SAMD12: variants seen among roughly 807,000 people sequenced by gnomAD.
SAMD12 encodes sterile alpha motif domain-containing protein 12.
A neutral mutation model predicts 15.0 loss-of-function variants in SAMD12; 9 were observed. The observed-to-expected ratio is 0.60, with a 90% CI of 0.36 to 1.05. The LOEUF is 1.05. Ranked by LOEUF, SAMD12 falls within the 50% of genes least tolerant of loss-of-function variation. The probability of loss-of-function intolerance (pLI) is 0.01; values close to 1 mark genes in which losing one functional copy is unlikely to be tolerated. For missense variants in SAMD12, 230 were observed against 234.2 expected, an observed-to-expected ratio of 0.98 and a Z score of 0.12; for synonymous variants, 86 against 90.1, an observed-to-expected ratio of 0.96 and a Z score of 0.25.
chr8:118,155,048 G>A, the SAMD12 span, among the ~76,000 whole-genome samples: 2 of 152,152 alleles, frequency 1.3e-5, no homozygotes, highest in African/African-American at 2.4e-5. Context: ...TTAAATTTTA[G>A]TTACATCTGC....
intron 4 of SAMD12, chr8:118,197,825 A>T: frequency 9.1e-7 from 1 of 1,097,758 alleles, no homozygotes; most frequent in Non-Finnish European, 1.4e-6. Context: ...AACAAACCCT[A>T]ACACCCTTAG....
chr8:118,547,014 G>C (rs1826148778), intron 2 of SAMD12, among the ~76,000 whole-genome samples: 1 of 152,180 alleles, frequency 6.6e-6, no homozygotes, highest in Non-Finnish European at 1.5e-5. Flanking sequence ...GAAAAAGAAT[G>C]TTTACAGAAT....
the SAMD12 span, among the ~76,000 whole-genome samples, chr8:118,167,804 A>G: frequency 6.6e-6 from 1 of 152,276 alleles, no homozygotes; most frequent in African/African-American, 2.4e-5. Flanking sequence ...ACAGTTCTCT[A>G]TGGTGAGCAT....
chr8:118,419,213 A>G (rs75846857), intron 3 of SAMD12, among the ~76,000 whole-genome samples: 1 of 152,044 alleles, frequency 6.6e-6, no homozygotes, highest in South Asian at 2.1e-4. Flanking sequence ...GAAAAAAAAA[A>G]GCCTTAGGTG....
At chr8:118,160,427 C>G in the SAMD12 span, among the ~76,000 whole-genome samples, 1 of 152,126 alleles carries the variant, frequency 6.6e-6, no homozygotes. Flanking sequence ...TTTATACTAT[C>G]TGATTTTAAG....
chr8:118,180,516 TGTGA>T, the SAMD12 span, among the ~76,000 whole-genome samples: 2 of 151,756 alleles, frequency 1.3e-5, no homozygotes, highest in Non-Finnish European at 2.9e-5. Context: ...GGGCTATGGC[TGTGA>T]GTGTTTCATG....
rs138818129 is a variant in SAMD12 at position 118,574,314 on chromosome 8, G to A, written c.192+6401C>T. Among the ~76,000 whole-genome samples the A allele has an allele frequency of 3.6e-3, 551 of 152,254 alleles. 1 individual carries two copies. Among genetic ancestry groups the A allele is most frequent in the South Asian group, 0.025 (121 of 4,830 alleles). Reference sequence around the variant, plus strand: ...TCAAATGGCATATCCTGTACTCTTCGTCCACTAGACAAATACTATTAACTA... The same window carrying A: ...TCAAATGGCATATCCTGTACTCTTCATCCACTAGACAAATACTATTAACTA... On this transcript the variant is annotated intron_variant, in intron 2 of 3. Transcript: ENST00000314727.
the SAMD12 span, among the ~76,000 whole-genome samples, chr8:118,150,091 G>A: frequency 6.6e-6 from 1 of 152,142 alleles, no homozygotes; most frequent in Non-Finnish European, 1.5e-5. Flanking sequence ...GTGCTACTGC[G>A]ATATGGTGAG....
intron 2 of SAMD12, among the ~76,000 whole-genome samples, chr8:118,548,854 A>T (rs1330134927): frequency 6.6e-6 from 1 of 152,268 alleles, no homozygotes; most frequent in Non-Finnish European, 1.5e-5. Context: ...AGACTTAAAA[A>T]ATGGTGCACC....
At chr8:118,458,342 C>G (rs550285046) in intron 2 of SAMD12, among the ~76,000 whole-genome samples, 1 of 152,116 alleles carries the variant, frequency 6.6e-6, no homozygotes, top group African/African-American at 2.4e-5. Flanking sequence ...ACATTATTTT[C>G]CATTTCTATT....
At chr8:118,285,041 G>GTTCCCTCTCATT (rs1813895984) in intron 4 of SAMD12, 1 of 151,416 alleles carries the variant, frequency 6.6e-6, no homozygotes, top group South Asian at 2.1e-4. Context: ...CCCGGCCGAA[G>GTTCCCTCTCATT]TTCCCTCTCA....
the SAMD12 span, among the ~76,000 whole-genome samples, chr8:118,182,903 C>T: frequency 3.3e-5 from 5 of 152,172 alleles, no homozygotes; most frequent in African/African-American, 9.6e-5. Flanking sequence ...TTTTTGTTAA[C>T]AGAAATGTTC....
chr8:118,552,282 A>G (rs1826362524), intron 2 of SAMD12, among the ~76,000 whole-genome samples: 1 of 152,202 alleles, frequency 6.6e-6, no homozygotes, highest in African/African-American at 2.4e-5. Context: ...TCCTCAATAA[A>G]ATACCGGCAA....
chr8:118,595,076 G>A (rs16891236), intron 1 of SAMD12, among the ~76,000 whole-genome samples: 5,480 of 152,180 alleles, frequency 0.036, 122 homozygotes, highest in African/African-American at 0.059. Context: ...ATGACTGCTG[G>A]TTCAAATCAA....
At chr8:118,565,262 C>G (rs1267737718) in intron 2 of SAMD12, among the ~76,000 whole-genome samples, 2 of 152,168 alleles carry the variant, frequency 1.3e-5, no homozygotes, top group Non-Finnish European at 2.9e-5. Context: ...ATGTATAAAA[C>G]AGTTAGCCAC....
intron 3 of SAMD12, among the ~76,000 whole-genome samples, chr8:118,425,039 C>T (rs564121823): frequency 2.6e-4 from 39 of 151,362 alleles, no homozygotes; most frequent in Non-Finnish European, 1.6e-4. Context: ...CCTGGGTTCA[C>T]GCTATTCTCC....
intron 4 of SAMD12, among the ~76,000 whole-genome samples, chr8:118,217,148 T>C (rs1004994573): frequency 2.0e-5 from 3 of 152,090 alleles, no homozygotes; most frequent in African/African-American, 7.2e-5. Flanking sequence ...GGACTACAGA[T>C]GCACACCACC....
At position 118,478,039 on chromosome 8, in the gene SAMD12, T is replaced by C. The variant is rs188005405; in HGVS notation, c.193-38078A>G. 5.0e-3 allele frequency among the ~76,000 whole-genome samples: 748 copies of C among 150,400 alleles called. 4 individuals are homozygous for C. Among genetic ancestry groups the C allele is most frequent in the Non-Finnish European group, 8.4e-3 (568 of 67,616 alleles). On this transcript the variant is annotated intron_variant, in intron 2 of 3. Transcript: ENST00000314727. Reference sequence around the variant, plus strand: ...AAAAAAAAAAAAAAAAAAAGAATTATATATATTCAATAATATTGCCTGCCT... The same window carrying C: ...AAAAAAAAAAAAAAAAAAAGAATTACATATATTCAATAATATTGCCTGCCT...
At chr8:118,609,172 G>A (rs993059658) in intron 1 of SAMD12, among the ~76,000 whole-genome samples, 4 of 152,202 alleles carry the variant, frequency 2.6e-5, no homozygotes, top group Admixed American at 6.5e-5. Context: ...ATCCATGAGT[G>A]AGGGTGGTCA....
Sources: allele counts gnomAD v4.1 joint callset (sites outside exome capture counted in the v4.1 genomes callset), GRCh38; gene constraint gnomAD v4.1.1; transcripts MANE v1.5; gene names NCBI Gene and HGNC (gene_info 2026-07-23, HGNC 2026-07-21).